PLXNA4: variants seen among roughly 807,000 people sequenced by gnomAD.
PLXNA4 encodes plexin-A4.
In PLXNA4, 44 loss-of-function variants were observed where a neutral mutation model predicts 191.8. That is an observed-to-expected ratio of 0.23 (90% CI 0.18 to 0.29). PLXNA4 has a LOEUF of 0.29. Among genes scored for constraint, PLXNA4 ranks in the 10% least tolerant of loss-of-function variants. The pLI is 1.00. For missense variants in PLXNA4, 1,800 were observed against 2,488.8 expected (o/e 0.72, Z 5.89); for synonymous variants, 1,082 against 1,009.5 (o/e 1.07, Z -1.36).
At chr7:132,459,522 G>A (rs765082660) in intron 3 of PLXNA4, among the ~76,000 whole-genome samples, 22 of 152,168 alleles carry the variant, frequency 1.4e-4, no homozygotes, top group Admixed American at 3.9e-4. Context: ...CAGCACTTGC[G>A]GAGGTTAGAG....
chr7:132,308,617 C>T (rs1057360584), intron 3 of PLXNA4, among the ~76,000 whole-genome samples: 1 of 152,118 alleles, frequency 6.6e-6, no homozygotes, highest in African/African-American at 2.4e-5. Flanking sequence ...AGCGTGACTC[C>T]CAACTCTGAC....
intron 3 of PLXNA4, among the ~76,000 whole-genome samples, chr7:132,305,396 A>ACACACG (rs1554409834): frequency 2.3e-3 from 339 of 149,978 alleles, no homozygotes; most frequent in South Asian, 5.4e-3. Context: ...ACACACACAC[A>ACACACG]CACACACACA....
intron 4 of PLXNA4, among the ~76,000 whole-genome samples, chr7:132,267,219 T>C (rs1312145559): frequency 6.6e-6 from 1 of 152,054 alleles, no homozygotes; most frequent in African/African-American, 2.4e-5. Context: ...CCTTGGGAAG[T>C]GGAGTTGTTA....
chr7:132,306,734 G>A (rs1333509033), intron 3 of PLXNA4, among the ~76,000 whole-genome samples: 2 of 152,104 alleles, frequency 1.3e-5, no homozygotes, highest in Non-Finnish European at 2.9e-5. Context: ...AGACACAAAT[G>A]CACACTCACA....
intron 3 of PLXNA4, among the ~76,000 whole-genome samples, chr7:132,321,531 T>C (rs1802165643): frequency 6.6e-6 from 1 of 152,104 alleles, no homozygotes; most frequent in Non-Finnish European, 1.5e-5. Flanking sequence ...ACATCTGCTG[T>C]CCACATTTCT....
rs781602593 is a variant in PLXNA4, at chr7:132,514,056, CT to C, written c.-86-5278del. On this transcript the variant is annotated intron_variant, in intron 1 of 31. Coordinates refer to ENST00000321063, the MANE Select transcript of PLXNA4 (RefSeq NM_020911.2). The stretch of plus-strand genomic sequence containing the variant: ...AAAAGATAAGCACTGTTTGGTGAGA[CT>C]TTTTTTTTTTTTGAGACAGAGTCTC... Among the ~76,000 whole-genome samples the C allele has an allele frequency of 3.1e-3, 438 of 139,062 alleles. 1 individual carries two copies. The highest frequency in any genetic ancestry group is 8.1e-3 in the Middle Eastern group (2 of 246). The allele number at this position is 139,062 out of a possible 152,430, so 91.2% of individuals were successfully genotyped here. A position where few individuals can be genotyped will look rare whatever the true frequency, so the allele number is the denominator to read the frequency against.
Position 132,185,562 on chromosome 7 carries a change from C to T in PLXNA4, c.2994-99G>A, listed in dbSNP as rs540349172. ...ACACCGCTCCCTGCATGTCAGGATG[C>T]TCAGAGGCCATGGGTGGGTGCTCTC... On this transcript the variant is annotated intron_variant, in intron 15 of 31. Transcript: ENST00000321063. 2.7e-6 allele frequency: 4 copies of T among 1,479,230 alleles called. No homozygotes were observed. In the African/African-American group the frequency reaches 5.7e-5, roughly 21 times the overall value. 91.6% of individuals were successfully genotyped at this position (1,479,230 alleles called of 1,614,324 possible). A position where few individuals can be genotyped will look rare whatever the true frequency, so the allele number is the denominator to read the frequency against.
intron 2 of PLXNA4, among the ~76,000 whole-genome samples, chr7:132,639,579 C>A (rs1016679530): frequency 2.6e-5 from 4 of 152,212 alleles, no homozygotes; most frequent in Non-Finnish European, 4.4e-5. Flanking sequence ...GAACATTTAT[C>A]TTTCCAGGCT....
At chr7:132,501,507 G>C (rs1318480134) in intron 2 of PLXNA4, among the ~76,000 whole-genome samples, 1 of 152,096 alleles carries the variant, frequency 6.6e-6, no homozygotes, top group Non-Finnish European at 1.5e-5. Context: ...GGCCTCCAGG[G>C]TGGGCATCCT....
chr7:132,292,872 C>A (rs1800943499), intron 4 of PLXNA4, among the ~76,000 whole-genome samples: 1 of 151,968 alleles, frequency 6.6e-6, no homozygotes, highest in Admixed American at 6.6e-5. Context: ...TCTGAGGACA[C>A]GATATTTGAG....
chr7:132,394,482 A>C (rs1272205956), intron 3 of PLXNA4, among the ~76,000 whole-genome samples: 2 of 152,194 alleles, frequency 1.3e-5, no homozygotes, highest in Non-Finnish European at 2.9e-5. Flanking sequence ...CTCTGACCCT[A>C]GGTGTCCCTG....
chr7:132,540,873 C>A (rs974267272), intron 1 of PLXNA4, among the ~76,000 whole-genome samples: 1 of 151,986 alleles, frequency 6.6e-6, no homozygotes, highest in African/African-American at 2.4e-5. Flanking sequence ...AGGCGTGAGC[C>A]ACCGCGCCCG....
chr7:132,410,321 G>C (rs1228901665), intron 3 of PLXNA4, among the ~76,000 whole-genome samples: 1 of 152,112 alleles, frequency 6.6e-6, no homozygotes, highest in African/African-American at 2.4e-5. Flanking sequence ...CTGAGCTTCT[G>C]AAGTACATTT....
chr7:132,198,646 G>A lies in PLXNA4; in HGVS notation c.2587-10C>T, dbSNP rs763814270. 2 of 1,613,760 alleles carry A rather than the reference G, an allele frequency of 1.2e-6. No individual in the cohort carries two copies. Among genetic ancestry groups the A allele is most frequent in the Middle Eastern group, 1.7e-4 (1 of 6,058 alleles). On this transcript the variant is annotated splice_polypyrimidine_tract_variant and intron_variant, in intron 12 of 31. Coordinates refer to ENST00000321063, the MANE Select transcript of PLXNA4 (RefSeq NM_020911.2). ...CTGTCACCGGGATTATCTGGAGGGA[G>A]GAAGAGAAATAATTAGACAAACACC...
chr7:132,608,922 A>G (rs1414287576), intron 2 of PLXNA4, among the ~76,000 whole-genome samples: 4 of 152,158 alleles, frequency 2.6e-5, no homozygotes, highest in Non-Finnish European at 5.9e-5. Context: ...TGGGACTGAC[A>G]CTGGTCACCC....
At position 132,164,790 on chromosome 7, in the gene PLXNA4, C is replaced by A. The variant is rs555407523; in HGVS notation, c.4353+344G>T. Among the ~76,000 whole-genome samples the A allele has an allele frequency of 1.0e-3, 157 of 152,380 alleles. 1 individual carries two copies. The South Asian group carries it at 0.01, about 10-fold the overall frequency. ...GGGGGCCTTATCAGCCTCAGTAAGT[C>A]TGGGGCTGGGAGAGGGAAGAGGAAA... On this transcript the variant is annotated intron_variant, in intron 23 of 31. Transcript: ENST00000321063.
At chr7:132,343,744 T>C (rs1318205627) in intron 3 of PLXNA4, among the ~76,000 whole-genome samples, 1 of 152,020 alleles carries the variant, frequency 6.6e-6, no homozygotes, top group African/African-American at 2.4e-5. Context: ...CATGGTGAAA[T>C]CCCATCTCTA....
chr7:132,316,942 G>T (rs1485867460), intron 3 of PLXNA4, among the ~76,000 whole-genome samples: 1 of 152,154 alleles, frequency 6.6e-6, no homozygotes, highest in Non-Finnish European at 1.5e-5. Flanking sequence ...GGATTGAGTT[G>T]TATTGTGCTG....
chr7:132,303,531 T>A (rs566970840), intron 3 of PLXNA4, among the ~76,000 whole-genome samples: 20 of 152,232 alleles, frequency 1.3e-4, no homozygotes, highest in African/African-American at 4.6e-4. Context: ...ATGGTGCTAC[T>A]GCACTCCAGC....
Sources: gnomAD v4.1 joint callset for allele counts (sites outside exome capture counted in the v4.1 genomes callset) on GRCh38, gnomAD v4.1.1 for gene constraint, MANE v1.5 for transcripts, NCBI Gene and HGNC (gene_info 2026-07-23, HGNC 2026-07-21) for gene names.